The following CACNA1B variants were observed in gnomAD, a reference collection of about 807,000 sequenced individuals.
CACNA1B encodes the protein calcium voltage-gated channel subunit alpha1 B, also known as voltage-dependent N-type calcium channel subunit alpha-1B.
A neutral mutation model predicts 247.2 loss-of-function variants in CACNA1B; 70 were observed. That is an observed-to-expected ratio of 0.28 (90% confidence interval 0.23 to 0.35). The LOEUF (loss-of-function observed/expected upper bound fraction) is 0.35. Ranked by LOEUF, CACNA1B falls within the 10% of genes least tolerant of loss-of-function variation. The pLI is 1.00. For synonymous variants in CACNA1B, 1,231 were observed against 1,294.4 expected, an observed-to-expected ratio of 0.95 and a Z score of 1.05; for missense variants, 2,367 against 3,197.4, an observed-to-expected ratio of 0.74 and a Z score of 6.26.
At position 138,012,235 on chromosome 9, in the gene CACNA1B, C is replaced by T. The variant is rs1958733717; in HGVS notation, c.2161-894C>T. 6.6e-6 allele frequency among the ~76,000 whole-genome samples: 1 copy of T among 152,178 alleles called. No homozygotes were observed. ...ACAGACATGGTCTGCTGGCTCCAGGCAGAAAAGCTCAAAGATGGTGCGTGG... is the reference window on the plus strand; with the variant it reads ...ACAGACATGGTCTGCTGGCTCCAGGTAGAAAAGCTCAAAGATGGTGCGTGG... On this transcript the variant is annotated intron_variant, in intron 17 of 46. Coordinates refer to ENST00000371372, the MANE Select transcript of CACNA1B (RefSeq NM_000718.4). The surrounding 1 kb of genome is among the most constrained non-coding windows in gnomAD (Gnocchi z 4.2).
Position 137,974,985 on chromosome 9 carries a change from C to T in CACNA1B, c.1544-922C>T, listed in dbSNP as rs117813541. On this transcript the variant is annotated intron_variant, in intron 11 of 46. Transcript: ENST00000371372. This position sits in a 1 kb window ranked among gnomAD's most constrained non-coding sequence, Gnocchi z 4.5. ...GTCAGAGACAGTGGCCTCACCCTGA[C>T]GCCTAGGACTCCTGGCTCAGCCAGC... is the stretch of plus-strand genomic sequence containing the variant. 0.027 allele frequency among the ~76,000 whole-genome samples: 4,052 copies of T among 152,306 alleles called. 78 individuals carry two copies. Among genetic ancestry groups the T allele is most frequent in the South Asian group, 0.071 (344 of 4,828 alleles).
In CACNA1B at chr9:138,120,743, C is replaced by A; in HGVS notation, c.6351C>A (p.Pro2117=). 6.5e-7 allele frequency: 1 copy of A among 1,546,796 alleles called. No individual in the cohort carries two copies. Among genetic ancestry groups the A allele is most frequent in the Non-Finnish European group, 8.7e-7 (1 of 1,146,498 alleles). ...GCCGGTCCCAGGAGCGGAGGCAGCC[C>A]TCATCCTCCTCCTCGGAGAAGCAGC... The part of the protein sequence containing the change: ...ERGRSQERRQ[P]SSSSSEKQRF... Residue 2117 remains proline, a synonymous_variant, in exon 46 of 47, where the codon CCC becomes CCA. Coordinates refer to ENST00000371372, the MANE Select transcript of CACNA1B (RefSeq NM_000718.4).
intron 36 of CACNA1B, among the ~76,000 whole-genome samples, chr9:138,093,739 CAAAA>C (rs954768849): frequency 5.6e-5 from 8 of 142,056 alleles, no homozygotes; most frequent in Non-Finnish European, 1.5e-5. Flanking sequence ...GACTCCATCT[CAAAA>C]AAAAAACTAA....
chr9:138,095,680 C>T (rs945481598), intron 36 of CACNA1B, among the ~76,000 whole-genome samples: 1 of 152,062 alleles, frequency 6.6e-6, no homozygotes, highest in Non-Finnish European at 1.5e-5. Flanking sequence ...ATGTTTATGG[C>T]AACATGAATC....
chr9:137,984,300 G>T lies in CACNA1B; in HGVS notation c.1769+50G>T, dbSNP rs200715261. On this transcript the variant is annotated intron_variant, in intron 13 of 46. Transcript: ENST00000371372. The stretch of plus-strand genomic sequence containing the variant: ...AGGGCAGGTGTAGGGTGGAGAGGGC[G>T]TGGGATCAGCCACACAGGGTGCTTG... 3.8e-6 allele frequency: 5 copies of T among 1,332,250 alleles called. No homozygotes were observed. The African/African-American group carries it at 7.2e-5, about 19-fold the overall frequency. 82.5% of individuals were successfully genotyped at this position (1,332,250 alleles called of 1,614,324 possible). A position where few individuals can be genotyped will look rare whatever the true frequency, so the allele number is the denominator to read the frequency against.
At chr9:138,069,930 G>A (rs1225770323) in intron 32 of CACNA1B, among the ~76,000 whole-genome samples, 167 bp downstream of exon 32, 1 of 152,188 alleles carries the variant, frequency 6.6e-6, no homozygotes, top group Non-Finnish European at 1.5e-5. Context: ...CCTCGGCTCT[G>A]GGCATTCAGC....
chr9:138,092,997 A>G (rs933486249), intron 36 of CACNA1B, among the ~76,000 whole-genome samples: 3 of 152,224 alleles, frequency 2.0e-5, no homozygotes, highest in African/African-American at 4.8e-5. Flanking sequence ...TCCAAATACA[A>G]TGACCAATAA....
intron 6 of CACNA1B, among the ~76,000 whole-genome samples, chr9:137,931,416 G>C: frequency 6.6e-6 from 1 of 152,138 alleles, no homozygotes; most frequent in Non-Finnish European, 1.5e-5. Context: ...CGATACAGTG[G>C]AATGGGGGGC....
Position 138,118,160 on chromosome 9 carries a change from G to A in CACNA1B, c.5913+79G>A. 7 of 1,041,888 alleles carry A rather than the reference G, an allele frequency of 6.7e-6. 1 individual carries two copies. The highest frequency in any genetic ancestry group is 9.0e-6 in the Non-Finnish European group (7 of 781,174). 64.5% of individuals were successfully genotyped at this position (1,041,888 alleles called of 1,614,324 possible). A position where few individuals can be genotyped will look rare whatever the true frequency, so the allele number is the denominator to read the frequency against. On this transcript the variant is annotated intron_variant, in intron 43 of 46. Coordinates refer to ENST00000371372, the MANE Select transcript of CACNA1B (RefSeq NM_000718.4). Reference sequence around the variant, plus strand: ...TGGGGGATGTTTGAGACTGGGGTGGGGGACGTGTGAACAGGGATGGGGGAT... The same window carrying A: ...TGGGGGATGTTTGAGACTGGGGTGGAGGACGTGTGAACAGGGATGGGGGAT...
At chr9:138,006,281 G>A (rs1958648499) in intron 15 of CACNA1B, among the ~76,000 whole-genome samples, 1 of 152,134 alleles carries the variant, frequency 6.6e-6, no homozygotes, top group Admixed American at 6.5e-5. Context: ...TAGGACAAGG[G>A]TTGCATTTAG....
Position 137,950,682 on chromosome 9 carries a change from C to T in CACNA1B, c.967-1592C>T, listed in dbSNP as rs775042323. On this transcript the variant is annotated intron_variant, in intron 6 of 46. Coordinates refer to ENST00000371372, the MANE Select transcript of CACNA1B (RefSeq NM_000718.4). This position sits in a 1 kb window ranked among gnomAD's most constrained non-coding sequence, Gnocchi z 4.8. ...GGCTTTTGCTGGTACTTTTTTTGGT[C>T]GTCTGTGCCCCTTGGGCATTTCCAA... is the stretch of plus-strand genomic sequence containing the variant. 5.3e-5 allele frequency among the ~76,000 whole-genome samples: 8 copies of T among 152,104 alleles called. No homozygotes were observed. Among genetic ancestry groups the T allele is most frequent in the Middle Eastern group, 3.2e-3 (1 of 316 alleles).
intron 3 of CACNA1B, among the ~76,000 whole-genome samples, chr9:137,896,292 T>C (rs1247794387): frequency 6.6e-6 from 1 of 151,904 alleles, no homozygotes; most frequent in Non-Finnish European, 1.5e-5. Flanking sequence ...TTGCTCTTTA[T>C]TAAGTTGAGG....
In CACNA1B at chr9:137,919,954, G is replaced by A. The variant is rs1248013431; in HGVS notation, c.966+2523G>A. On this transcript the variant is annotated intron_variant, in intron 6 of 46. Coordinates refer to ENST00000371372, the MANE Select transcript of CACNA1B (RefSeq NM_000718.4). The surrounding 1 kb of genome is among the most constrained non-coding windows in gnomAD (Gnocchi z 4.6). ...CACACGGATGAGCCTGGGGAGAGAC[G>A]AGTCGGCAGTAAATTCCTGTTAGGT... 1.3e-5 allele frequency among the ~76,000 whole-genome samples: 2 copies of A among 152,168 alleles called. No individual in the cohort carries two copies. The highest frequency in any genetic ancestry group is 1.3e-4 in the Admixed American group (2 of 15,278).
At chr9:137,994,763 T>C (rs1350322339) in intron 15 of CACNA1B, among the ~76,000 whole-genome samples, 1 of 152,192 alleles carries the variant, frequency 6.6e-6, no homozygotes, top group Non-Finnish European at 1.5e-5. Flanking sequence ...GTAGAATCAA[T>C]ATTGTGAAAA....
At chr9:137,930,681 T>C (rs1333538059) in intron 6 of CACNA1B, among the ~76,000 whole-genome samples, 1 of 152,186 alleles carries the variant, frequency 6.6e-6, no homozygotes, top group African/African-American at 2.4e-5. Context: ...AAGAGAGAGG[T>C]GTAGAAGTCT....
rs1052617566 is a variant in CACNA1B, at chr9:137,880,519, C to T, written c.390+1360C>T. On this transcript the variant is annotated intron_variant, in intron 2 of 46. Coordinates refer to ENST00000371372, the MANE Select transcript of CACNA1B (RefSeq NM_000718.4). The surrounding 1 kb of genome is among the most constrained non-coding windows in gnomAD (Gnocchi z 4.8). The stretch of plus-strand genomic sequence containing the variant: ...CGCAGGCCCAGGAGCCAGGCCGGGG[C>T]GGGGGCAGGGAGGATCAAGCTGTCT... Among the ~76,000 whole-genome samples, 7 of 152,122 alleles carry T rather than the reference C, an allele frequency of 4.6e-5. No homozygotes were observed. The highest frequency in any genetic ancestry group is 9.7e-5 in the African/African-American group (4 of 41,430).
In CACNA1B at chr9:138,050,567, G is replaced by C. The variant is rs769192731; in HGVS notation, c.3710+1252G>C. ...GAATGAGAGCTTTGCCAAAGCATCA[G>C]CTTAGGCCTTGGGAGTGGGAACACT... is the stretch of plus-strand genomic sequence containing the variant. On this transcript the variant is annotated intron_variant, in intron 24 of 46. Transcript: ENST00000371372. The surrounding 1 kb of genome is among the most constrained non-coding windows in gnomAD (Gnocchi z 5.2). Among the ~76,000 whole-genome samples the C allele has an allele frequency of 2.6e-5, 4 of 152,242 alleles. No homozygotes were observed. Among genetic ancestry groups the C allele is most frequent in the East Asian group, 1.9e-4 (1 of 5,196 alleles).
chr9:138,107,580 G>A (rs1055120083), intron 39 of CACNA1B, among the ~76,000 whole-genome samples: 10 of 151,916 alleles, frequency 6.6e-5, no homozygotes, highest in Non-Finnish European at 7.4e-5. Context: ...TTACCCCATT[G>A]CCGCCTCCTC....
chr9:138,076,156 A>G (rs1272227446), intron 35 of CACNA1B, among the ~76,000 whole-genome samples: 2 of 152,120 alleles, frequency 1.3e-5, no homozygotes, highest in African/African-American at 4.8e-5. Flanking sequence ...TCATCCTGGG[A>G]GCCCTGGGCC....
Sources: gnomAD v4.1 joint callset for allele counts (sites outside exome capture counted in the v4.1 genomes callset) on GRCh38, gnomAD v4.1.1 for gene constraint, Gnocchi (gnomAD v3.1) non-coding constraint, MANE v1.5 for transcripts, NCBI Gene and HGNC (gene_info 2026-07-23, HGNC 2026-07-21) for gene names.